LRFN2: variants seen among roughly 807,000 people sequenced by gnomAD.
LRFN2 encodes the protein leucine rich repeat and fibronectin type III domain containing 2, also known as leucine-rich repeat and fibronectin type-III domain-containing protein 2.
Under a neutral mutation model 37.3 loss-of-function variants are expected in LRFN2, and 18 were observed. That is an observed-to-expected ratio of 0.48 (90% CI 0.33 to 0.72). LRFN2 has a LOEUF of 0.72. Among genes scored for constraint, LRFN2 ranks in the 30% least tolerant of loss-of-function variants. LRFN2 has a pLI of 0.02. For missense variants in LRFN2, 1,006 were observed against 1,060.7 expected, an observed-to-expected ratio of 0.95 and a Z score of 0.72; for synonymous variants, 556 against 466.6, an observed-to-expected ratio of 1.19 and a Z score of -2.47.
Position 40,529,061 on chromosome 6 carries a change from T to C in LRFN2, c.-19+57880A>G, listed in dbSNP as rs956428578. 2.6e-5 allele frequency among the ~76,000 whole-genome samples: 4 copies of C among 152,206 alleles called. No individual in the cohort carries two copies. In the South Asian group the frequency reaches 8.3e-4, roughly 32 times the overall value. ...GTCCTGATCCTCCCTATTGCCCTTTTCTATTTTCCAGGCCTCAGGGTGGAA... is the reference window on the plus strand; with the variant it reads ...GTCCTGATCCTCCCTATTGCCCTTTCCTATTTTCCAGGCCTCAGGGTGGAA... On this transcript the variant is annotated intron_variant, in intron 1 of 2. Coordinates refer to ENST00000338305, the MANE Select transcript of LRFN2 (RefSeq NM_020737.3).
intron 2 of LRFN2, among the ~76,000 whole-genome samples, chr6:40,424,517 A>C (rs1221979068): frequency 6.6e-6 from 1 of 152,210 alleles, no homozygotes; most frequent in African/African-American, 2.4e-5. Flanking sequence ...TTTACTATCT[A>C]TAAAATGGGT....
At chr6:40,442,039 T>C (rs899011338) in intron 1 of LRFN2, among the ~76,000 whole-genome samples, 2 of 152,164 alleles carry the variant, frequency 1.3e-5, no homozygotes, top group African/African-American at 4.8e-5. Context: ...TGCCAGGCCC[T>C]AGGCCTTGCT....
rs771949075 is a variant in LRFN2 at position 40,392,097 on chromosome 6, G to C, written c.2216C>G (p.Pro739Arg). Residue 739 changes from proline to arginine, a missense_variant, in exon 3 of 3, where the codon CCG becomes CGG. By Grantham distance (103) the Pro-to-Arg change is moderately radical. Around this residue, in one of 4 missense-constraint regions of LRFN2, gnomAD observed 398 missense variants for 327.6 expected, o/e 1.21. Coordinates refer to ENST00000338305, the MANE Select transcript of LRFN2 (RefSeq NM_020737.3). This position sits in a 1 kb window ranked among gnomAD's most constrained non-coding sequence, Gnocchi z 4.7. ...FAAAAAGGVV[P>R]GGYSPPRKVS... ...CTTCCGAGGAGGACTGTAGCCGCCC[G>C]GCACGACCCCTCCCGCCGCCGCAGC... is the stretch of plus-strand genomic sequence containing the variant. The C allele has an allele frequency of 1.2e-5, 19 of 1,613,538 alleles. No individual in the cohort carries two copies. In the East Asian group the frequency reaches 1.6e-4, roughly 13 times the overall value.
intron 2 of LRFN2, among the ~76,000 whole-genome samples, chr6:40,429,342 C>A (rs544921332): frequency 6.6e-6 from 1 of 152,336 alleles, no homozygotes; most frequent in East Asian, 1.9e-4. Context: ...TTCTGGCATC[C>A]AACATCTTCT....
At chr6:40,507,013 C>T (rs1013190281) in intron 1 of LRFN2, among the ~76,000 whole-genome samples, 2 of 152,156 alleles carry the variant, frequency 1.3e-5, no homozygotes, top group African/African-American at 4.8e-5. Flanking sequence ...GATCAAGAGC[C>T]ATTATTAATT....
chr6:40,403,163 G>A (rs1489613923), intron 2 of LRFN2, among the ~76,000 whole-genome samples: 1 of 152,218 alleles, frequency 6.6e-6, no homozygotes, highest in African/African-American at 2.4e-5. Flanking sequence ...GTGGGACAGA[G>A]TCCTCTGGAG....
At chr6:40,563,983 T>A (rs11753423) in intron 1 of LRFN2, among the ~76,000 whole-genome samples, 77,292 of 152,044 alleles carry the variant, frequency 0.51, 19,991 homozygotes, top group Middle Eastern at 0.61. Context: ...GTCCAGGCAC[T>A]GGGCTAAGTG....
chr6:40,538,699 G>A (rs1459366252), intron 1 of LRFN2, among the ~76,000 whole-genome samples: 1 of 152,234 alleles, frequency 6.6e-6, no homozygotes, highest in Non-Finnish European at 1.5e-5. Flanking sequence ...TCTCACACGT[G>A]TGTCTGACGC....
At chr6:40,561,124 A>G (rs957363334) in intron 1 of LRFN2, among the ~76,000 whole-genome samples, 8 of 152,152 alleles carry the variant, frequency 5.3e-5, no homozygotes, top group Non-Finnish European at 4.4e-5. Context: ...TTCTAGGGCC[A>G]TGAGGTGGCA....
chr6:40,564,952 G>T (rs1443890689), intron 1 of LRFN2, among the ~76,000 whole-genome samples: 1 of 152,146 alleles, frequency 6.6e-6, no homozygotes, highest in Non-Finnish European at 1.5e-5. Flanking sequence ...GAGTCAGACT[G>T]CTCTGTACCA....
chr6:40,577,628 CT>C (rs998847909), intron 1 of LRFN2, among the ~76,000 whole-genome samples: 1 of 136,102 alleles, frequency 7.3e-6, no homozygotes, highest in African/African-American at 2.8e-5. Context: ...ATTCCCCTTC[CT>C]GTGTCCATGT....
chr6:40,400,063 C>T (rs981151051), intron 2 of LRFN2, among the ~76,000 whole-genome samples: 19 of 151,780 alleles, frequency 1.3e-4, no homozygotes, highest in African/African-American at 4.3e-4. Flanking sequence ...TCTTTTAAGG[C>T]CTGACTCATA....
At chr6:40,567,536 G>A (rs1404185133) in intron 1 of LRFN2, among the ~76,000 whole-genome samples, 1 of 152,160 alleles carries the variant, frequency 6.6e-6, no homozygotes, top group Non-Finnish European at 1.5e-5. Flanking sequence ...CTTCCTCTCT[G>A]TGTCCCCATC....
chr6:40,546,166 T>C (rs1308058193), intron 1 of LRFN2, among the ~76,000 whole-genome samples: 1 of 152,068 alleles, frequency 6.6e-6, no homozygotes, highest in African/African-American at 2.4e-5. Context: ...GGAATTTGCA[T>C]GACAACGCAC....
chr6:40,401,331 A>T (rs1762736628), intron 2 of LRFN2, among the ~76,000 whole-genome samples: 1 of 152,086 alleles, frequency 6.6e-6, no homozygotes, highest in Non-Finnish European at 1.5e-5. Context: ...TCTGTGCCAG[A>T]TGATCTGTGC....
intron 1 of LRFN2, among the ~76,000 whole-genome samples, chr6:40,448,155 A>T (rs1764016738): frequency 6.6e-6 from 1 of 151,996 alleles, no homozygotes; most frequent in Non-Finnish European, 1.5e-5. Flanking sequence ...CTCCACTCAC[A>T]CCCATCACTT....
chr6:40,489,067 C>T (rs1034846951), intron 1 of LRFN2, among the ~76,000 whole-genome samples: 8 of 152,142 alleles, frequency 5.3e-5, no homozygotes, highest in Non-Finnish European at 8.8e-5. Flanking sequence ...CAGATATTTA[C>T]CAAACACCTC....
At chr6:40,414,017 C>A (rs868262792) in intron 2 of LRFN2, among the ~76,000 whole-genome samples, 1 of 152,174 alleles carries the variant, frequency 6.6e-6, no homozygotes, top group African/African-American at 2.4e-5. Context: ...GACTCCAAGA[C>A]GCTCGTCTCA....
At chr6:40,460,710 G>T (rs1764328767) in intron 1 of LRFN2, among the ~76,000 whole-genome samples, 1 of 152,154 alleles carries the variant, frequency 6.6e-6, no homozygotes, top group Non-Finnish European at 1.5e-5. Context: ...TGAAGTAGGT[G>T]AGCTGGCCCA....
Sources: gnomAD v4.1 joint callset for allele counts (sites outside exome capture counted in the v4.1 genomes callset) on GRCh38, gnomAD v4.1.1 for gene constraint, gnomAD v4.1.1 regional missense constraint, Gnocchi (gnomAD v3.1) non-coding constraint, MANE v1.5 for transcripts, NCBI Gene and HGNC (gene_info 2026-07-23, HGNC 2026-07-21) for gene names.